The following DIS3 variants were observed in gnomAD, a reference collection of about 807,000 sequenced individuals.
DIS3 encodes the protein DIS3 exosome endoribonuclease and 3'-5' exoribonuclease, also known as exosome complex exonuclease RRP44.
In DIS3, 103 loss-of-function variants were observed where a neutral mutation model predicts 113.0. That is an observed-to-expected ratio of 0.91 (90% CI 0.78 to 1.07). The LOEUF is 1.07. DIS3 is among the 50% of genes least tolerant of loss of function. DIS3 has a pLI of 0.00. For missense variants in DIS3, 1,121 were observed against 1,167.1 expected (o/e 0.96, Z 0.58); for synonymous variants, 402 against 394.3 (o/e 1.02, Z -0.23).
Position 72,757,726 on chromosome 13 carries a change from C to T in DIS3, c.*2069G>A, listed in dbSNP as rs117915252. On this transcript the variant is annotated 3_prime_UTR_variant, in exon 21 of 21. Transcript: ENST00000377767. ...ACAGGCATGAGCCACCGCACCTAGC[C>T]GGCAAACTTTTTTAAATGGTTGGCG... The T allele has an allele frequency of 3.1e-3, 576 of 188,254 alleles. 14 individuals carry two copies. In the East Asian group the frequency reaches 0.043, roughly 14 times the overall value. The allele number at this position is 188,254 out of a possible 1,614,324, so 11.7% of individuals were successfully genotyped here.
chr13:72,781,552 T>C, intron 1 of DIS3, 53 bp downstream of exon 1: 1 of 1,469,848 alleles, frequency 6.8e-7, no homozygotes. Context: ...TTCCCTGTCA[T>C]ACCCCCTTGT....
intron 10 of DIS3, 48 bp downstream of exon 10, chr13:72,772,111 C>T: frequency 6.7e-7 from 1 of 1,483,706 alleles, no homozygotes; most frequent in Non-Finnish European, 9.2e-7. Flanking sequence ...AGAAAATGAA[C>T]TCAGAACAGA....
chr13:72,765,114 C>T (rs948239600), intron 15 of DIS3, among the ~76,000 whole-genome samples: 5 of 151,730 alleles, frequency 3.3e-5, no homozygotes, highest in Non-Finnish European at 5.9e-5. Context: ...GGGAAAGAGG[C>T]CTAAACCCTG....
At chr13:72,774,788 A>G (rs1046235476) in intron 6 of DIS3, among the ~76,000 whole-genome samples, 1 of 152,196 alleles carries the variant, frequency 6.6e-6, no homozygotes, top group Non-Finnish European at 1.5e-5. Context: ...ATGGTATCAG[A>G]TAAGTTGCCC....
rs531119727 is a variant in DIS3, at chr13:72,754,314, CTTT to C, written c.*5478_*5480del. The stretch of plus-strand genomic sequence containing the variant: ...GCCTTGTATGCCGTTTCTTTTTTTT[CTTT>C]TTTTTTTTTTTTGAGACAGGGTCTT... On this transcript the variant is annotated 3_prime_UTR_variant, in exon 21 of 21. Coordinates refer to ENST00000377767, the MANE Select transcript of DIS3 (RefSeq NM_014953.5). 71 of 140,944 alleles carry C rather than the reference CTTT, an allele frequency of 5.0e-4. No individual in the cohort carries two copies. Among genetic ancestry groups the C allele is most frequent in the Non-Finnish European group, 8.6e-4 (57 of 66,368 alleles). The allele number at this position is 140,944 out of a possible 1,614,324, so 8.7% of individuals were successfully genotyped here. A position where few individuals can be genotyped will look rare whatever the true frequency, so the allele number is the denominator to read the frequency against.
rs1397024080 is a variant in DIS3 at position 72,781,587 on chromosome 13, G to C, written c.228+18C>G. The C allele has an allele frequency of 6.7e-7, 1 of 1,488,376 alleles. No individual in the cohort carries two copies. Among genetic ancestry groups the C allele is most frequent in the Admixed American group, 2.3e-5 (1 of 42,652 alleles). The allele number at this position is 1,488,376 out of a possible 1,614,324, so 92.2% of individuals were successfully genotyped here. ...TCCCCGTGGGGCCGCGCTGTCCGCG[G>C]TTCGCCCGCCCACGCACCTGGTGCA... On this transcript the variant is annotated intron_variant, in intron 1 of 20. Transcript: ENST00000377767.
At chr13:72,769,345 G>A (rs2033831373) in intron 13 of DIS3, among the ~76,000 whole-genome samples, 1 of 152,034 alleles carries the variant, frequency 6.6e-6, no homozygotes, top group Non-Finnish European at 1.5e-5. Context: ...TGTTTTGCAG[G>A]AAATCCAGTA....
At chr13:72,770,038 C>A (rs1275167910) in intron 13 of DIS3, among the ~76,000 whole-genome samples, 1 of 152,100 alleles carries the variant, frequency 6.6e-6, no homozygotes, top group Non-Finnish European at 1.5e-5. Flanking sequence ...CTACTAAAAT[C>A]CAATGGTGAC....
chr13:72,780,923 G>C lies in DIS3; in HGVS notation c.309C>G (p.Ala103=), dbSNP rs746666699. 1.2e-5 allele frequency: 20 copies of C among 1,612,676 alleles called. 1 individual carries two copies. In the South Asian group the frequency reaches 2.2e-4, roughly 18 times the overall value. ...TVLQEVRNRS[A]PVYKRIRDVT... ...CATCTCGGATGCGTTTATATACGGG[G>C]GCACTGCGATTTCTCACTTCTTGAA... The change falls in exon 2 of 21, where the codon GCC becomes GCG. Residue 103 remains alanine (A), a synonymous_variant. Coordinates refer to ENST00000377767, the MANE Select transcript of DIS3 (RefSeq NM_014953.5).
intron 1 of DIS3, 106 bp downstream of exon 1, chr13:72,781,499 A>T: frequency 7.0e-7 from 1 of 1,425,738 alleles, no homozygotes; most frequent in Non-Finnish European, 9.3e-7. Flanking sequence ...CCCTTTCGCT[A>T]GGTATGTGAC....
In DIS3 at chr13:72,772,295, A is replaced by G; in HGVS notation, c.1387-20T>C. 1.3e-6 allele frequency: 2 copies of G among 1,541,794 alleles called. No individual in the cohort carries two copies. Among genetic ancestry groups the G allele is most frequent in the South Asian group, 1.1e-5 (1 of 87,294 alleles). Reference sequence around the variant, plus strand: ...CATGTCCTAGAAGACATGAAATGATAAACAAATAAATTATTTCCAAAGCAC... The same window carrying G: ...CATGTCCTAGAAGACATGAAATGATGAACAAATAAATTATTTCCAAAGCAC... On this transcript the variant is annotated intron_variant, in intron 9 of 20. Coordinates refer to ENST00000377767, the MANE Select transcript of DIS3 (RefSeq NM_014953.5).
intron 15 of DIS3, 33 bp downstream of exon 15, chr13:72,765,939 T>C: frequency 6.7e-7 from 1 of 1,486,886 alleles, no homozygotes; most frequent in Non-Finnish European, 9.2e-7. Context: ...AATAAAAAAA[T>C]CTTATCTAAT....
Position 72,766,048 on chromosome 13 carries a change from G to A in DIS3, c.1894C>T (p.Leu632=), listed in dbSNP as rs567548107. The A allele has an allele frequency of 1.9e-6, 3 of 1,608,450 alleles. No individual in the cohort carries two copies. The highest frequency in any genetic ancestry group is 2.2e-5 in the South Asian group (2 of 89,704). Residue 632 remains leucine, a synonymous_variant, in exon 15 of 21, where the codon CTA becomes TTA. Coordinates refer to ENST00000377767, the MANE Select transcript of DIS3 (RefSeq NM_014953.5). ...KRRIEKGALT[L]SSPEVRFHMD... is the part of the protein sequence containing the mutation. The stretch of plus-strand genomic sequence containing the variant: ...TGGAATCGAACTTCAGGAGAGGATA[G>A]AGTCAAAGCCCTACATAAAAATTAA...
chr13:72,777,849 A>G (rs564369182), intron 3 of DIS3, among the ~76,000 whole-genome samples: 1 of 151,980 alleles, frequency 6.6e-6, no homozygotes, highest in Admixed American at 6.6e-5. Flanking sequence ...GACCTCCCAA[A>G]GTGCTGGGAT....
intron 2 of DIS3, among the ~76,000 whole-genome samples, chr13:72,779,767 T>C (rs1292946587): frequency 2.2e-5 from 2 of 90,980 alleles, no homozygotes; most frequent in South Asian, 7.2e-4. Flanking sequence ...GTGGTGGTGG[T>C]GGTGGGGGGG....
Position 72,774,012 on chromosome 13 carries a change from A to C in DIS3, c.1035T>G (p.Val345=). 4.3e-6 allele frequency: 7 copies of C among 1,611,882 alleles called. No individual in the cohort carries two copies. In the South Asian group the frequency reaches 5.5e-5, roughly 13 times the overall value. Residue 345 remains valine (V), a synonymous_variant, in exon 7 of 21, where the codon GTT becomes GTG. Coordinates refer to ENST00000377767, the MANE Select transcript of DIS3 (RefSeq NM_014953.5). ...TCCAATTCCTTTTTATTATTCCTAC[A>C]ACTCTACCTGTAGGCTTCAACATTT... ...SEKMLKPTGR[V]VGIIKRNWRP... is the part of the protein sequence containing the mutation.
At chr13:72,780,270 G>C (rs1350466959) in intron 2 of DIS3, among the ~76,000 whole-genome samples, 5 of 133,230 alleles carry the variant, frequency 3.8e-5, no homozygotes, top group African/African-American at 1.4e-4. Context: ...AGGTTGCAGT[G>C]AGCAGAGATC....
Position 72,775,343 on chromosome 13 carries a change from T to C in DIS3, c.855A>G (p.Arg285=). 3 of 1,612,756 alleles carry C rather than the reference T, an allele frequency of 1.9e-6. No individual in the cohort carries two copies. The highest frequency in any genetic ancestry group is 2.5e-6 in the Non-Finnish European group (3 of 1,179,342). The change falls in exon 6 of 21, where the codon AGA becomes AGG. Residue 285 remains arginine, a synonymous_variant. Transcript: ENST00000377767. The part of the protein sequence containing the change: ...IILQGLKHLN[R]AVHEDIVAVE... ...CAGCCACAATATCTTCGTGAACAGC[T>C]CTGTTTAAATGTTTAAGTCCCTGTA...
Position 72,777,405 on chromosome 13 carries a change from A to G in DIS3, c.654+15T>C, listed in dbSNP as rs754666018. On this transcript the variant is annotated intron_variant, in intron 4 of 20. Coordinates refer to ENST00000377767, the MANE Select transcript of DIS3 (RefSeq NM_014953.5). ...TTTAATATTTTTACTTTTCAAAAACAAAACAAAAACATACCCCTTCTTCAG... is the reference window on the plus strand; with the variant it reads ...TTTAATATTTTTACTTTTCAAAAACGAAACAAAAACATACCCCTTCTTCAG... 12 of 1,613,372 alleles carry G rather than the reference A, an allele frequency of 7.4e-6. No homozygotes were observed. Among genetic ancestry groups the G allele is most frequent in the Middle Eastern group, 1.7e-4 (1 of 6,056 alleles).
Sources: gnomAD v4.1 joint callset for allele counts (sites outside exome capture counted in the v4.1 genomes callset) on GRCh38, gnomAD v4.1.1 for gene constraint, MANE v1.5 for transcripts, NCBI Gene and HGNC (gene_info 2026-07-23, HGNC 2026-07-21) for gene names.